SNX29: variants seen among roughly 807,000 people sequenced by gnomAD.
SNX29 encodes sorting nexin-29.
SNX29 carries 78 observed loss-of-function variants against 102.1 expected under a neutral mutation model. The ratio of observed to expected loss-of-function variants is 0.76; its 90% CI spans 0.64 to 0.92. The LOEUF is 0.92. Ranked by LOEUF, SNX29 falls within the 40% of genes least tolerant of loss-of-function variation. The pLI, the probability that SNX29 is intolerant of heterozygous loss-of-function variation, is 0.00. For missense variants in SNX29, 1,280 were observed against 1,061.7 expected (o/e 1.21, Z -2.86); for synonymous variants, 580 against 414.5 (o/e 1.40, Z -4.85).
chr16:12,377,628 G>A (rs745682746), intron 16 of SNX29, among the ~76,000 whole-genome samples: 8 of 152,120 alleles, frequency 5.3e-5, no homozygotes, highest in Non-Finnish European at 7.3e-5. Flanking sequence ...GTGTGCGCCC[G>A]GTACGTAGTA....
chr16:12,348,165 C>T (rs1028404676), intron 15 of SNX29, among the ~76,000 whole-genome samples: 1 of 152,092 alleles, frequency 6.6e-6, no homozygotes, highest in Non-Finnish European at 1.5e-5. Context: ...GTAGACAGGA[C>T]CTGGATTTGA....
At chr16:12,553,819 C>T (rs547320267) in intron 20 of SNX29, among the ~76,000 whole-genome samples, 81 of 152,068 alleles carry the variant, frequency 5.3e-4, no homozygotes, top group South Asian at 2.5e-3. Flanking sequence ...AACTCCTGAC[C>T]TTGTGATCCA....
intron 20 of SNX29, among the ~76,000 whole-genome samples, chr16:12,530,780 T>G (rs980124429): frequency 2.6e-5 from 4 of 152,192 alleles, no homozygotes; most frequent in Admixed American, 1.3e-4. Context: ...TGTCTCAAAC[T>G]CCTGACCTCC....
chr16:12,079,888 A>G (rs1429377059), intron 11 of SNX29, among the ~76,000 whole-genome samples: 1 of 152,182 alleles, frequency 6.6e-6, no homozygotes, highest in Non-Finnish European at 1.5e-5. Flanking sequence ...ATTTCTACAT[A>G]TAGGATTCAG....
At chr16:12,547,292 C>T (rs932464286) in intron 20 of SNX29, among the ~76,000 whole-genome samples, 6 of 152,156 alleles carry the variant, frequency 3.9e-5, no homozygotes, top group South Asian at 2.1e-4. Flanking sequence ...CTGGGAGAAA[C>T]AGCAAGGAAG....
intron 16 of SNX29, among the ~76,000 whole-genome samples, chr16:12,381,055 A>C (rs1303387876): frequency 5.0e-5 from 1 of 19,850 alleles, no homozygotes; most frequent in Non-Finnish European, 9.2e-5. Flanking sequence ...CCCACCTACC[A>C]TCCATCTACC....
At chr16:12,085,754 T>C (rs1345836881) in intron 11 of SNX29, among the ~76,000 whole-genome samples, 1 of 152,232 alleles carries the variant, frequency 6.6e-6, no homozygotes, top group African/African-American at 2.4e-5. Context: ...ATGCCATGTA[T>C]GGTGCTGAAG....
intron 13 of SNX29, among the ~76,000 whole-genome samples, chr16:12,145,896 C>T (rs1418726965): frequency 1.3e-5 from 2 of 152,282 alleles, no homozygotes; most frequent in South Asian, 2.1e-4. Context: ...TTTTATAAAC[C>T]TATTCCGCCT....
intron 1 of SNX29, among the ~76,000 whole-genome samples, chr16:11,990,675 C>G (rs1287114006): frequency 1.3e-5 from 2 of 152,114 alleles, no homozygotes; most frequent in African/African-American, 4.8e-5. Flanking sequence ...ATGAATTCTG[C>G]AGTGACAACA....
chr16:12,162,608 A>G (rs1042145141), intron 13 of SNX29, among the ~76,000 whole-genome samples: 1 of 152,234 alleles, frequency 6.6e-6, no homozygotes, highest in Non-Finnish European at 1.5e-5. Flanking sequence ...CAATAAAGCT[A>G]TTTAAGAAGC....
At chr16:12,444,071 C>G (rs953157104) in intron 18 of SNX29, among the ~76,000 whole-genome samples, 1 of 147,722 alleles carries the variant, frequency 6.8e-6, no homozygotes, top group Non-Finnish European at 1.5e-5. Flanking sequence ...AGTATAAGAC[C>G]TAGCACATAC....
chr16:12,349,119 G>A (rs546478372), intron 15 of SNX29, among the ~76,000 whole-genome samples: 16 of 152,328 alleles, frequency 1.1e-4, no homozygotes, highest in African/African-American at 3.6e-4. Flanking sequence ...AATAAACTGT[G>A]TAGCTTTAGA....
chr16:12,153,316 T>G (rs2055378564), intron 13 of SNX29, among the ~76,000 whole-genome samples: 1 of 152,086 alleles, frequency 6.6e-6, no homozygotes, highest in Admixed American at 6.5e-5. Flanking sequence ...GGTCATGACA[T>G]CTTCCAAAAT....
At chr16:12,321,838 C>T (rs532808767) in intron 15 of SNX29, among the ~76,000 whole-genome samples, 29 of 152,244 alleles carry the variant, frequency 1.9e-4, no homozygotes, top group African/African-American at 6.5e-4. Flanking sequence ...GATGGGACTT[C>T]CTTGGTGGGG....
intron 13 of SNX29, among the ~76,000 whole-genome samples, chr16:12,161,408 G>T (rs2055780397): frequency 6.6e-6 from 1 of 152,174 alleles, no homozygotes; most frequent in Admixed American, 6.5e-5. Context: ...CTTGAGGCTG[G>T]GGCAGTTACT....
intron 14 of SNX29, among the ~76,000 whole-genome samples, chr16:12,257,464 A>G (rs1198121059): frequency 2.0e-5 from 3 of 152,042 alleles, no homozygotes; most frequent in South Asian, 2.1e-4. Flanking sequence ...TCTTTGGGGC[A>G]TGGGCATCTT....
At chr16:12,218,652 C>T (rs1028595840) in intron 14 of SNX29, among the ~76,000 whole-genome samples, 12 of 152,264 alleles carry the variant, frequency 7.9e-5, no homozygotes, top group Admixed American at 7.8e-4. Flanking sequence ...TCCTCCTGAT[C>T]AAAAGATGTA....
At position 12,572,309 on chromosome 16, in the gene SNX29, G is replaced by GT; in HGVS notation, c.*3682dup. 2.8e-6 allele frequency: 3 copies of GT among 1,062,874 alleles called. No homozygotes were observed. Among genetic ancestry groups the GT allele is most frequent in the Non-Finnish European group, 3.4e-6 (3 of 877,740 alleles). 65.8% of individuals were successfully genotyped at this position (1,062,874 alleles called of 1,614,324 possible). A position where few individuals can be genotyped will look rare whatever the true frequency, so the allele number is the denominator to read the frequency against. ...ACTGGGGCCAGTGATCACAATCCAG[G>GT]TTGGAAACAGGAGTGAAGCCCACCA... is the stretch of plus-strand genomic sequence containing the variant. On this transcript the variant is annotated 3_prime_UTR_variant, in exon 21 of 21. Transcript: ENST00000566228.
chr16:12,542,818 T>G (rs2077403096), intron 20 of SNX29, among the ~76,000 whole-genome samples: 1 of 151,978 alleles, frequency 6.6e-6, no homozygotes, highest in Non-Finnish European at 1.5e-5. Flanking sequence ...AGTTAAAGCA[T>G]CCTGTAAGGT....
Sources: allele counts gnomAD v4.1 joint callset (sites outside exome capture counted in the v4.1 genomes callset), GRCh38; gene constraint gnomAD v4.1.1; transcripts MANE v1.5; gene names NCBI Gene and HGNC (gene_info 2026-07-23, HGNC 2026-07-21).